The following PRKG1 variants were observed in gnomAD, a reference collection of about 807,000 sequenced individuals.
PRKG1 encodes the protein cGMP-dependent protein kinase 1.
A neutral mutation model predicts 88.1 loss-of-function variants in PRKG1; 35 were observed. That is an observed-to-expected ratio of 0.40 (90% CI 0.30 to 0.53). The LOEUF is 0.53. Ranked by LOEUF, PRKG1 falls within the 20% of genes least tolerant of loss-of-function variation. The pLI is 0.59. For synonymous variants in PRKG1, 303 were observed against 292.5 expected, an observed-to-expected ratio of 1.04 and a Z score of -0.37; for missense variants, 540 against 839.8, an observed-to-expected ratio of 0.64 and a Z score of 4.41.
chr10:51,347,570 G>A (rs951538614), intron 2 of PRKG1, among the ~76,000 whole-genome samples: 3 of 152,094 alleles, frequency 2.0e-5, no homozygotes, highest in African/African-American at 7.2e-5. Context: ...ATAGTTTCTC[G>A]TTGGTTTTCA....
At chr10:51,709,883 C>A (rs866946505) in intron 3 of PRKG1, among the ~76,000 whole-genome samples, 2 of 152,252 alleles carry the variant, frequency 1.3e-5, no homozygotes, top group South Asian at 4.2e-4. Flanking sequence ...TGCATCCCCA[C>A]CAGGAAGGAA....
intron 5 of PRKG1, among the ~76,000 whole-genome samples, chr10:51,967,771 A>G (rs1043848215): frequency 1.3e-5 from 2 of 152,050 alleles, no homozygotes; most frequent in Non-Finnish European, 2.9e-5. Flanking sequence ...GGGTTTTTAC[A>G]TGGCTTTTGT....
chr10:51,558,485 T>A (rs980843737), intron 3 of PRKG1, among the ~76,000 whole-genome samples: 2 of 152,060 alleles, frequency 1.3e-5, no homozygotes, highest in African/African-American at 4.8e-5. Context: ...ATGGCCCCAA[T>A]AGAAGTGTTC....
At chr10:52,231,604 A>G (rs1436813119) in intron 9 of PRKG1, among the ~76,000 whole-genome samples, 1 of 152,208 alleles carries the variant, frequency 6.6e-6, no homozygotes, top group Non-Finnish European at 1.5e-5. Flanking sequence ...AACAAATTTC[A>G]TTCCTTATAT....
intron 2 of PRKG1, among the ~76,000 whole-genome samples, chr10:51,305,134 C>A (rs142174540): frequency 6.6e-6 from 1 of 152,218 alleles, no homozygotes; most frequent in Non-Finnish European, 1.5e-5. Context: ...AGCTTGCATC[C>A]TATAGGAGCA....
intron 9 of PRKG1, among the ~76,000 whole-genome samples, chr10:52,234,416 A>T (rs1840621807): frequency 6.6e-6 from 1 of 152,074 alleles, no homozygotes; most frequent in Non-Finnish European, 1.5e-5. Flanking sequence ...GAAAACTTTG[A>T]AAAAAATTTA....
At chr10:51,332,902 G>A (rs953530665) in intron 2 of PRKG1, among the ~76,000 whole-genome samples, 1 of 152,192 alleles carries the variant, frequency 6.6e-6, no homozygotes, top group African/African-American at 2.4e-5. Flanking sequence ...ACAGGGATCA[G>A]TAATAGTCAA....
intron 5 of PRKG1, among the ~76,000 whole-genome samples, chr10:51,955,509 G>T (rs1410269584): frequency 6.6e-6 from 1 of 152,074 alleles, no homozygotes; most frequent in Non-Finnish European, 1.5e-5. Flanking sequence ...ACATGCATTT[G>T]TTAACTATTT....
intron 9 of PRKG1, among the ~76,000 whole-genome samples, chr10:52,201,909 C>T (rs1239297238): frequency 6.6e-6 from 1 of 152,038 alleles, no homozygotes; most frequent in Non-Finnish European, 1.5e-5. Flanking sequence ...GATTTTGTGT[C>T]CTGAAACTTT....
chr10:52,161,433 T>C (rs1247947991), intron 8 of PRKG1, among the ~76,000 whole-genome samples: 1 of 152,086 alleles, frequency 6.6e-6, no homozygotes, highest in Non-Finnish European at 1.5e-5. Flanking sequence ...TGATGCTTGT[T>C]TTTCAGAATT....
chr10:51,425,887 G>A (rs1179553030), intron 2 of PRKG1, among the ~76,000 whole-genome samples: 1 of 152,176 alleles, frequency 6.6e-6, no homozygotes, highest in South Asian at 2.1e-4. Context: ...GTTTTTCATG[G>A]CAATTCCGTA....
Position 51,907,585 on chromosome 10 carries a change from C to G in PRKG1, c.762+15C>G. On this transcript the variant is annotated intron_variant, in intron 5 of 17. Coordinates refer to ENST00000373980, the MANE Select transcript of PRKG1 (RefSeq NM_006258.4). ...TCCTTGAAGAGGTAATTGTTTTTAGCCTTTGAACTTTTTGAGATGGGATCC... is the reference window on the plus strand; with the variant it reads ...TCCTTGAAGAGGTAATTGTTTTTAGGCTTTGAACTTTTTGAGATGGGATCC... 6.2e-7 allele frequency: 1 copy of G among 1,609,394 alleles called. No homozygotes were observed. The highest frequency in any genetic ancestry group is 8.5e-7 in the Non-Finnish European group (1 of 1,176,146).
At chr10:51,248,297 G>A (rs1267822410) in intron 2 of PRKG1, among the ~76,000 whole-genome samples, 1 of 151,860 alleles carries the variant, frequency 6.6e-6, no homozygotes, top group Non-Finnish European at 1.5e-5. Context: ...GAGATAAGAT[G>A]GATTGTAATA....
chr10:51,239,377 T>TAA (rs1839090692), intron 2 of PRKG1, among the ~76,000 whole-genome samples: 1 of 152,226 alleles, frequency 6.6e-6, no homozygotes, highest in Admixed American at 6.5e-5. Context: ...AGTATCACAC[T>TAA]AACAAGTGTA....
chr10:51,316,859 GC>G (rs1841335051), intron 2 of PRKG1, among the ~76,000 whole-genome samples: 1 of 152,082 alleles, frequency 6.6e-6, no homozygotes, highest in South Asian at 2.1e-4. Flanking sequence ...TCATGACATG[GC>G]TTTTTTATTC....
intron 4 of PRKG1, among the ~76,000 whole-genome samples, chr10:51,881,415 G>A (rs1326580414): frequency 6.6e-6 from 1 of 152,214 alleles, no homozygotes; most frequent in East Asian, 1.9e-4. Context: ...TGTGAGCTCA[G>A]CTGGGGTTCT....
intron 1 of PRKG1, among the ~76,000 whole-genome samples, chr10:51,000,337 A>G (rs555689559): frequency 6.6e-6 from 1 of 152,318 alleles, no homozygotes; most frequent in African/African-American, 2.4e-5. Context: ...AATTGCACAT[A>G]ATCCACAGAC....
intron 1 of PRKG1, among the ~76,000 whole-genome samples, chr10:51,029,418 G>T (rs2132744252): frequency 6.6e-6 from 1 of 152,256 alleles, no homozygotes; most frequent in East Asian, 1.9e-4. Context: ...GAGTTTAACA[G>T]TCCATGTCAT....
intron 3 of PRKG1, among the ~76,000 whole-genome samples, chr10:51,571,828 A>G (rs1837761792): frequency 1.3e-5 from 2 of 151,868 alleles, no homozygotes; most frequent in South Asian, 4.1e-4. Context: ...GATGTAAGAT[A>G]GATATATTAT....
Sources: allele counts gnomAD v4.1 joint callset (sites outside exome capture counted in the v4.1 genomes callset), GRCh38; gene constraint gnomAD v4.1.1; transcripts MANE v1.5; gene names NCBI Gene and HGNC (gene_info 2026-07-23, HGNC 2026-07-21).